Variants in ING1 observed in about 807,000 individuals in gnomAD.
ING1 encodes inhibitor of growth protein 1.
In ING1, 4 loss-of-function variants were observed where a neutral mutation model predicts 23.1. That is an observed-to-expected ratio of 0.17 (90% CI 0.09 to 0.40). The LOEUF (loss-of-function observed/expected upper bound fraction) is 0.40, where lower values mean the gene tolerates loss of function less well. ING1 is among the 10% of genes least tolerant of loss of function. ING1 has a pLI of 1.00. For synonymous variants in ING1, 179 were observed against 166.4 expected (o/e 1.08, Z -0.58); for missense variants, 256 against 393.8 (o/e 0.65, Z 2.96).
rs1049947671 is a variant in ING1 at position 110,720,527 on chromosome 13, G to A, written c.*595G>A. 3.0e-5 allele frequency: 5 copies of A among 167,042 alleles called. No individual in the cohort carries two copies. The highest frequency in any genetic ancestry group is 1.2e-4 in the African/African-American group (5 of 41,442). The allele number at this position is 167,042 out of a possible 1,614,324, so 10.3% of individuals were successfully genotyped here. On this transcript the variant is annotated 3_prime_UTR_variant, in exon 2 of 2. Transcript: ENST00000333219. ...TGCTTGGGTACACTTCTCTTAAGTG[G>A]TCTAGTCAAGGAACCTCAAGTCATG...
upstream of ING1, chr13:110,713,094 G>A: frequency 4.2e-6 from 6 of 1,440,684 alleles, no homozygotes; most frequent in Non-Finnish European, 4.6e-6. Context: ...CCTCCCGGAG[G>A]ACTTGGGTTT....
At chr13:110,713,069 C>T (rs550578136), upstream of ING1, 885 of 1,449,128 alleles carry the variant, frequency 6.1e-4, 9 homozygotes, top group African/African-American at 0.011. Context: ...GTGCCCGGCC[C>T]TCCCCTTCCT....
At chr13:110,714,650 C>T (rs996491666) in intron 1 of ING1, among the ~76,000 whole-genome samples, 1 of 152,080 alleles carries the variant, frequency 6.6e-6, no homozygotes, top group African/African-American at 2.4e-5. Context: ...TGTGCCGGCG[C>T]CTGGGGCTAT....
intron 1 of ING1, chr13:110,715,499 C>G: frequency 1.2e-6 from 2 of 1,613,388 alleles, no homozygotes; most frequent in Non-Finnish European, 1.7e-6. Flanking sequence ...GTCGCTGAGG[C>G]GGATGAAGGC....
rs1438666150 is a variant in ING1, at chr13:110,719,862, G to C, written c.770G>C (p.Arg257Pro). The stretch of plus-strand genomic sequence containing the variant: ...GGCAAGTGGTACTGTCCCAAGTGCC[G>C]GGGGGAGAACGAGAAGACCATGGAC... ...PKGKWYCPKC[R>P]GENEKTMDKA... The change falls in exon 2 of 2, where the codon CGG becomes CCG. Residue 257 changes from arginine to proline, a missense_variant. This residue lies in a region of ING1 where 25 missense variants were observed against 95.8 expected (regional missense o/e 0.26). Coordinates refer to ENST00000333219, the MANE Select transcript of ING1 (RefSeq NM_198219.3). The surrounding 1 kb of genome is among the most constrained non-coding windows in gnomAD (Gnocchi z 8.9). 1.9e-6 allele frequency: 3 copies of C among 1,612,628 alleles called. No individual in the cohort carries two copies. The highest frequency in any genetic ancestry group is 1.7e-5 in the Admixed American group (1 of 59,492).
rs780654550 is a variant in ING1 at position 110,719,471 on chromosome 13, G to T, written c.379G>T (p.Gly127Cys). 2.5e-6 allele frequency: 4 copies of T among 1,612,672 alleles called. No individual in the cohort carries two copies. Among genetic ancestry groups the T allele is most frequent in the Non-Finnish European group, 1.7e-6 (2 of 1,179,538 alleles). Residue 127 changes from glycine to cysteine, a missense_variant, in exon 2 of 2, where the codon GGC becomes TGC. By Grantham distance (159) the Gly-to-Cys change is radical (BLOSUM62 -3). This residue lies in a region of ING1 where 209 missense variants were observed against 273.8 expected (regional missense o/e 0.76). Transcript: ENST00000333219. The surrounding 1 kb of genome is among the most constrained non-coding windows in gnomAD (Gnocchi z 8.9). ...QELGDTAGNS[G>C]KAGADRPKGE... is the part of the protein sequence containing the mutation. Reference sequence around the variant, plus strand: ...GCTGGGCGACACAGCGGGCAACAGCGGCAAGGCTGGCGCGGACAGGCCCAA... The same window carrying T: ...GCTGGGCGACACAGCGGGCAACAGCTGCAAGGCTGGCGCGGACAGGCCCAA...
rs2139976083 is a variant in ING1 at position 110,719,576 on chromosome 13, G to A, written c.484G>A (p.Ala162Thr). The A allele has an allele frequency of 7.4e-6, 12 of 1,611,406 alleles. No homozygotes were observed. The highest frequency in any genetic ancestry group is 9.3e-6 in the Non-Finnish European group (11 of 1,179,278). The change falls in exon 2 of 2, where the codon GCG (alanine) becomes ACG (threonine). Residue 162 changes from alanine to threonine, a missense_variant. By Grantham distance (58) the Ala-to-Thr change is moderately conservative. Coordinates refer to ENST00000333219, the MANE Select transcript of ING1 (RefSeq NM_198219.3). This position sits in a 1 kb window ranked among gnomAD's most constrained non-coding sequence, Gnocchi z 8.9. Reference protein sequence around the residue: ...RQRNNENRENASSNHDHDDGA... With the variant: ...RQRNNENRENTSSNHDHDDGA... The stretch of plus-strand genomic sequence containing the variant: ...GCGCAACAACGAGAACCGTGAGAAC[G>A]CGTCCAGCAACCACGACCACGACGA...
At position 110,722,269 on chromosome 13, in the gene ING1, T is replaced by C. The variant is rs2064177095; in HGVS notation, c.*2337T>C. On this transcript the variant is annotated 3_prime_UTR_variant, in exon 2 of 2. Coordinates refer to ENST00000333219, the MANE Select transcript of ING1 (RefSeq NM_198219.3). ...TCTCGGGTGTTTAAATTTGATGAGATTTACCCAAACAAATAGTGAACAAAA... is the reference window on the plus strand; with the variant it reads ...TCTCGGGTGTTTAAATTTGATGAGACTTACCCAAACAAATAGTGAACAAAA... 1 of 152,166 alleles carries C rather than the reference T, an allele frequency of 6.6e-6. No homozygotes were observed. The highest frequency in any genetic ancestry group is 1.5e-5 in the Non-Finnish European group (1 of 68,032). 9.4% of individuals were successfully genotyped at this position (152,166 alleles called of 1,614,324 possible).
chr13:110,719,283 G>T lies in ING1; in HGVS notation c.191G>T (p.Gly64Val). ...CYERFSRETD[G>V]AQKRRMLHCV... Reference sequence around the variant, plus strand: ...GAGCGCTTCAGTCGCGAGACAGACGGGGCGCAGAAGCGGCGGATGCTGCAC... The same window carrying T: ...GAGCGCTTCAGTCGCGAGACAGACGTGGCGCAGAAGCGGCGGATGCTGCAC... The change falls in exon 2 of 2, where the codon GGG becomes GTG. Residue 64 changes from glycine (G) to valine (V), a missense_variant. Physicochemically the swap from Gly to Val is moderately radical, Grantham distance 109. Coordinates refer to ENST00000333219, the MANE Select transcript of ING1 (RefSeq NM_198219.3). This position sits in a 1 kb window ranked among gnomAD's most constrained non-coding sequence, Gnocchi z 8.9. The T allele has an allele frequency of 6.2e-7, 1 of 1,612,010 alleles. No individual in the cohort carries two copies. The highest frequency in any genetic ancestry group is 8.5e-7 in the Non-Finnish European group (1 of 1,179,954).
chr13:110,715,568 C>T (rs757625629), intron 1 of ING1: 12 of 1,613,836 alleles, frequency 7.4e-6, no homozygotes, highest in Non-Finnish European at 1.0e-5. Context: ...TTTTCTTTTT[C>T]GGGGAGGAGC....
chr13:110,712,967 C>T, upstream of ING1: 2 of 1,560,168 alleles, frequency 1.3e-6, no homozygotes, highest in Non-Finnish European at 1.7e-6. Context: ...GGTGGTCCGG[C>T]CGCGGAATGG....
At chr13:110,713,048 C>G (rs1266703444), upstream of ING1, 2 of 1,467,260 alleles carry the variant, frequency 1.4e-6, no homozygotes, top group East Asian at 2.5e-5. Context: ...CATGCGCCGC[C>G]ACTTCCGCCC....
At chr13:110,718,191 G>A (rs1470740886) in intron 1 of ING1, among the ~76,000 whole-genome samples, 2 of 152,168 alleles carry the variant, frequency 1.3e-5, no homozygotes, top group South Asian at 2.1e-4. Flanking sequence ...TGTTTAAGCA[G>A]TAGATGCAAA....
chr13:110,713,718 A>G lies in ING1; in HGVS notation c.-432A>G. ...GGTATTTGGGTTTTCCACGTTGGAC[A>G]AGTGCGGCTCGGCGGCCAGCGGAGC... On this transcript the variant is annotated 5_prime_UTR_variant, in exon 1 of 2. Coordinates refer to ENST00000333219, the MANE Select transcript of ING1 (RefSeq NM_198219.3). The G allele has an allele frequency of 3.0e-6, 3 of 985,244 alleles. No homozygotes were observed. The highest frequency in any genetic ancestry group is 4.7e-5 in the South Asian group (1 of 21,290). 61.0% of individuals were successfully genotyped at this position (985,244 alleles called of 1,614,324 possible). A position where few individuals can be genotyped will look rare whatever the true frequency, so the allele number is the denominator to read the frequency against.
chr13:110,712,868 G>A, upstream of ING1: 1 of 1,308,076 alleles, frequency 7.6e-7, no homozygotes, highest in East Asian at 2.5e-5. Context: ...TTGTCTCCAA[G>A]CCGTTCCAAA....
rs1054227143 is a variant in ING1, at chr13:110,720,864, G to A, written c.*932G>A. 6.0e-6 allele frequency: 1 copy of A among 167,072 alleles called. No individual in the cohort carries two copies. Among genetic ancestry groups the A allele is most frequent in the Non-Finnish European group, 1.5e-5 (1 of 68,104 alleles). 10.3% of individuals were successfully genotyped at this position (167,072 alleles called of 1,614,324 possible). ...ACCAGCAATTTAGACAAAGCCTTAA[G>A]CAAATTTTGTATTATTGTTCTCACT... On this transcript the variant is annotated 3_prime_UTR_variant, in exon 2 of 2. Coordinates refer to ENST00000333219, the MANE Select transcript of ING1 (RefSeq NM_198219.3).
chr13:110,717,425 TC>T (rs780421546), intron 1 of ING1, among the ~76,000 whole-genome samples: 51 of 152,348 alleles, frequency 3.3e-4, no homozygotes, highest in Non-Finnish European at 6.5e-4. Context: ...TTATGTTTAC[TC>T]TAGTGTTAGG....
rs1396578533 is a variant in ING1, at chr13:110,714,085, A to AG, written c.-59dup. 7.4e-6 allele frequency: 8 copies of AG among 1,078,872 alleles called. No individual in the cohort carries two copies. In the African/African-American group the frequency reaches 1.4e-4, roughly 18 times the overall value. The allele number at this position is 1,078,872 out of a possible 1,614,324, so 66.8% of individuals were successfully genotyped here. On this transcript the variant is annotated 5_prime_UTR_variant, in exon 1 of 2. Transcript: ENST00000333219. ...TTGCATTTTGCAGTGCTATTTTTTG[A>AG]GGGGGGCGGGGGGTGGAGGAAGCGG...
intron 1 of ING1, among the ~76,000 whole-genome samples, chr13:110,717,930 G>A (rs2064138011): frequency 6.6e-6 from 1 of 152,194 alleles, no homozygotes; most frequent in Non-Finnish European, 1.5e-5. Context: ...ACTGTTTGAG[G>A]AAAAAGAACT....
Sources: allele counts gnomAD v4.1 joint callset (sites outside exome capture counted in the v4.1 genomes callset), GRCh38; gene constraint gnomAD v4.1.1; regional missense constraint gnomAD v4.1.1; non-coding constraint Gnocchi (gnomAD v3.1); transcripts MANE v1.5; gene names NCBI Gene and HGNC (gene_info 2026-07-23, HGNC 2026-07-21).